Variants in FREM2 observed in about 807,000 individuals in gnomAD.
The protein encoded by FREM2 is FRAS1-related extracellular matrix protein 2.
Under a neutral mutation model 219.9 loss-of-function variants are expected in FREM2, and 119 were observed. The ratio of observed to expected loss-of-function variants is 0.54; its 90% confidence interval spans 0.47 to 0.63. FREM2 has a LOEUF of 0.63. Ranked by LOEUF, FREM2 falls within the 30% of genes least tolerant of loss-of-function variation. The pLI is 0.00. For missense variants in FREM2, 4,030 were observed against 3,993.6 expected (o/e 1.01, Z -0.25); for synonymous variants, 1,562 against 1,522.8 (o/e 1.03, Z -0.60).
At chr13:38,849,512 G>A (rs542927693) in intron 8 of FREM2, among the ~76,000 whole-genome samples, 7 of 152,128 alleles carry the variant, frequency 4.6e-5, no homozygotes, top group Admixed American at 2.0e-4. Flanking sequence ...TCTCTGACAC[G>A]TCATCACAAG....
At chr13:38,742,315 A>G (rs1479731373) in intron 2 of FREM2, among the ~76,000 whole-genome samples, 1 of 152,218 alleles carries the variant, frequency 6.6e-6, no homozygotes, top group South Asian at 2.1e-4. Context: ...TCCCTAATTT[A>G]TATGGTCCAA....
chr13:38,716,019 C>T (rs573739514), intron 2 of FREM2, among the ~76,000 whole-genome samples: 49 of 152,056 alleles, frequency 3.2e-4, no homozygotes, highest in African/African-American at 9.4e-4. Context: ...AGTTGATTTA[C>T]GCCAGAGTAT....
At chr13:38,838,654 C>T (rs982663919) in intron 6 of FREM2, among the ~76,000 whole-genome samples, 5 of 152,052 alleles carry the variant, frequency 3.3e-5, no homozygotes, top group African/African-American at 9.7e-5. Flanking sequence ...AGGCTTTGTT[C>T]GTTCCTTTTC....
chr13:38,691,721 C>T lies in FREM2; in HGVS notation c.4377C>T (p.Thr1459=), dbSNP rs41292759. ...LNSPDENLVF[T]ITRAPMRGHL... Reference sequence around the variant, plus strand: ...GTCCTGATGAAAACTTGGTTTTTACCATCACCAGGGCTCCCATGCGAGGTC... The same window carrying T: ...GTCCTGATGAAAACTTGGTTTTTACTATCACCAGGGCTCCCATGCGAGGTC... The change falls in exon 1 of 24, where the codon ACC becomes ACT. Residue 1459 remains threonine (T), a synonymous_variant. Coordinates refer to ENST00000280481, the MANE Select transcript of FREM2 (RefSeq NM_207361.6). The T allele has an allele frequency of 8.9e-5, 144 of 1,613,628 alleles. No homozygotes were observed. The highest frequency in any genetic ancestry group is 1.2e-4 in the Non-Finnish European group (144 of 1,179,566).
intron 1 of FREM2, among the ~76,000 whole-genome samples, chr13:38,695,010 A>C (rs183089405): frequency 6.6e-6 from 1 of 152,318 alleles, no homozygotes; most frequent in Non-Finnish European, 1.5e-5. Context: ...ACAAACAAAA[A>C]AATCTCATGG....
chr13:38,867,516 C>T (rs570494950), intron 16 of FREM2, among the ~76,000 whole-genome samples: 38 of 152,292 alleles, frequency 2.5e-4, no homozygotes, highest in African/African-American at 8.2e-4. Flanking sequence ...TCAGGGTTCT[C>T]CCCAGAGACA....
intron 4 of FREM2, among the ~76,000 whole-genome samples, chr13:38,781,729 T>TTCACGTGTG (rs1339207784): frequency 9.2e-5 from 14 of 152,140 alleles, no homozygotes; most frequent in African/African-American, 3.4e-4. Context: ...TTAAAAAGAA[T>TTCACGTGTG]TGAATCACGT....
chr13:38,884,992 A>G lies in FREM2; in HGVS notation c.*4205A>G, dbSNP rs1038980744. 2 of 152,170 alleles carry G rather than the reference A, an allele frequency of 1.3e-5. No individual in the cohort carries two copies. The highest frequency in any genetic ancestry group is 2.4e-5 in the African/African-American group (1 of 41,468). 9.4% of individuals were successfully genotyped at this position (152,170 alleles called of 1,614,324 possible). On this transcript the variant is annotated 3_prime_UTR_variant, in exon 24 of 24. Transcript: ENST00000280481. ...GTGTTTTCCTAGAATTGATTGCACT[A>G]TTGCATGGTAATAACATTTAATTGT...
intron 11 of FREM2, among the ~76,000 whole-genome samples, chr13:38,855,665 TGGG>T: frequency 6.6e-6 from 1 of 152,052 alleles, no homozygotes; most frequent in Non-Finnish European, 1.5e-5. Flanking sequence ...CACTCCTAAG[TGGG>T]AGCTAAGCTA....
intron 2 of FREM2, among the ~76,000 whole-genome samples, chr13:38,761,338 G>A (rs771204131): frequency 2.0e-5 from 3 of 151,146 alleles, no homozygotes; most frequent in Non-Finnish European, 2.9e-5. Flanking sequence ...AGTTTAAAGT[G>A]GACAGGAGTG....
At position 38,690,494 on chromosome 13, in the gene FREM2, C is replaced by T; in HGVS notation, c.3150C>T (p.Ile1050=). 1 of 1,614,164 alleles carries T rather than the reference C, an allele frequency of 6.2e-7. No homozygotes were observed. The highest frequency in any genetic ancestry group is 8.5e-7 in the Non-Finnish European group (1 of 1,180,024). ...AATGGAGAATTGGTGGCAATACTATCCAAGGAGTTACTATATGGGTGACCA... is the reference window on the plus strand; with the variant it reads ...AATGGAGAATTGGTGGCAATACTATTCAAGGAGTTACTATATGGGTGACCA... ...SQEWRIGGNT[I]QGVTIWVTIL... Residue 1050 remains isoleucine (I), a synonymous_variant, in exon 1 of 24, where the codon ATC becomes ATT. Transcript: ENST00000280481.
At position 38,691,056 on chromosome 13, in the gene FREM2, A is replaced by G. The variant is rs776875620; in HGVS notation, c.3712A>G (p.Ile1238Val). The change falls in exon 1 of 24, where the codon ATC (isoleucine) becomes GTC (valine). Residue 1238 changes from isoleucine (I) to valine (V), a missense_variant. Physicochemically the swap from Ile to Val is conservative, Grantham distance 29. Around this residue, in one of 2 missense-constraint regions of FREM2, gnomAD observed 3,102 missense variants for 2,950.7 expected, o/e 1.05. Coordinates refer to ENST00000280481, the MANE Select transcript of FREM2 (RefSeq NM_207361.6). ...TITQFPTHGH[I>V]MNQLINGTVL... ...TACCCAATTCCCCACTCATGGTCAC[A>G]TCATGAATCAGCTGATAAATGGCAC... 2.5e-6 allele frequency: 4 copies of G among 1,614,196 alleles called. No individual in the cohort carries two copies. Among genetic ancestry groups the G allele is most frequent in the Non-Finnish European group, 2.5e-6 (3 of 1,180,028 alleles).
rs928850896 is a variant in FREM2 at position 38,864,256 on chromosome 13, T to A, written c.7652-19T>A. On this transcript the variant is annotated intron_variant, in intron 15 of 23. Coordinates refer to ENST00000280481, the MANE Select transcript of FREM2 (RefSeq NM_207361.6). Reference sequence around the variant, plus strand: ...TGGCTACTTGAAAGACTGTTAACAATGATTTCGATTTATCATAGGCATGCT... The same window carrying A: ...TGGCTACTTGAAAGACTGTTAACAAAGATTTCGATTTATCATAGGCATGCT... 6.3e-7 allele frequency: 1 copy of A among 1,595,190 alleles called. No individual in the cohort carries two copies. Among genetic ancestry groups the A allele is most frequent in the Non-Finnish European group, 8.6e-7 (1 of 1,162,926 alleles).
In FREM2 at chr13:38,687,243, C is replaced by T; in HGVS notation, c.-102C>T. ...CTACAGGAGGACCCCGCGGGCAACG[C>T]GCGGAGTTCCTGGCACTTCCCGGCG... On this transcript the variant is annotated 5_prime_UTR_variant, in exon 1 of 24. Transcript: ENST00000280481. The T allele has an allele frequency of 6.7e-7, 1 of 1,488,532 alleles. No individual in the cohort carries two copies. Among genetic ancestry groups the T allele is most frequent in the Non-Finnish European group, 9.1e-7 (1 of 1,093,348 alleles). The allele number at this position is 1,488,532 out of a possible 1,614,324, so 92.2% of individuals were successfully genotyped here.
At chr13:38,725,831 G>A (rs1593368100) in intron 2 of FREM2, among the ~76,000 whole-genome samples, 1 of 152,276 alleles carries the variant, frequency 6.6e-6, no homozygotes, top group East Asian at 1.9e-4. Context: ...TTACTGACAT[G>A]GGAGATGTGA....
chr13:38,772,025 C>A (rs959300778), intron 4 of FREM2, among the ~76,000 whole-genome samples: 1 of 151,982 alleles, frequency 6.6e-6, no homozygotes, highest in African/African-American at 2.4e-5. Flanking sequence ...CACTTTTCCC[C>A]CCATTTAAAA....
intron 2 of FREM2, among the ~76,000 whole-genome samples, chr13:38,708,113 G>A (rs533904814): frequency 2.0e-5 from 3 of 152,284 alleles, no homozygotes; most frequent in East Asian, 1.9e-4. Context: ...TAGGCACAAA[G>A]TAAGTGCTAT....
At chr13:38,843,006 A>G (rs564181098) in intron 6 of FREM2, among the ~76,000 whole-genome samples, 3 of 152,340 alleles carry the variant, frequency 2.0e-5, no homozygotes, top group South Asian at 4.1e-4. Flanking sequence ...AAAGACCTCA[A>G]GGGATAGAGT....
intron 2 of FREM2, among the ~76,000 whole-genome samples, chr13:38,715,580 A>G (rs1041917518): frequency 1.6e-4 from 24 of 151,990 alleles, no homozygotes; most frequent in South Asian, 1.5e-3. Flanking sequence ...TCTACCCAAC[A>G]ATCACTTCTA....
Sources: gnomAD v4.1 joint callset for allele counts (sites outside exome capture counted in the v4.1 genomes callset) on GRCh38, gnomAD v4.1.1 for gene constraint, gnomAD v4.1.1 regional missense constraint, MANE v1.5 for transcripts, NCBI Gene and HGNC (gene_info 2026-07-23, HGNC 2026-07-21) for gene names.